Variants in BIRC2 observed in about 807,000 individuals in gnomAD.
BIRC2 encodes the protein baculoviral IAP repeat-containing protein 2.
Under a neutral mutation model 60.9 loss-of-function variants are expected in BIRC2, and 18 were observed. That is an observed-to-expected ratio of 0.30 (90% CI 0.20 to 0.44). BIRC2 has a LOEUF of 0.44. Ranked by LOEUF, BIRC2 falls within the 20% of genes least tolerant of loss-of-function variation. The pLI is 1.00. For missense variants in BIRC2, 701 were observed against 728.5 expected, an observed-to-expected ratio of 0.96 and a Z score of 0.43; for synonymous variants, 282 against 247.7, an observed-to-expected ratio of 1.14 and a Z score of -1.30.
chr11:102,359,603 C>G (rs894734497), intron 3 of BIRC2, among the ~76,000 whole-genome samples: 4 of 152,164 alleles, frequency 2.6e-5, no homozygotes, highest in Non-Finnish European at 5.9e-5. Flanking sequence ...GACAGCTTTG[C>G]TGGGATACAT....
chr11:102,352,421 G>GT (rs1358941170), intron 3 of BIRC2, among the ~76,000 whole-genome samples: 1 of 145,322 alleles, frequency 6.9e-6, no homozygotes. Flanking sequence ...GCCCTTGTTT[G>GT]TTTTTTTGAG....
chr11:102,358,038 C>T (rs1951443425), intron 3 of BIRC2, among the ~76,000 whole-genome samples: 1 of 152,114 alleles, frequency 6.6e-6, no homozygotes, highest in Admixed American at 6.5e-5. Flanking sequence ...TAGTTGTCAG[C>T]TTTCCAACTT....
intron 5 of BIRC2, among the ~76,000 whole-genome samples, chr11:102,366,243 G>C (rs924780153): frequency 1.3e-5 from 2 of 152,100 alleles, no homozygotes; most frequent in African/African-American, 4.8e-5. Flanking sequence ...TTAAAAGTTG[G>C]CTCAAGTTAG....
intron 6 of BIRC2, among the ~76,000 whole-genome samples, chr11:102,369,077 G>C (rs1045679149): frequency 6.6e-6 from 1 of 151,814 alleles, no homozygotes; most frequent in African/African-American, 2.4e-5. Context: ...TTTTGTATTC[G>C]TCCAGATAGT....
intron 6 of BIRC2, among the ~76,000 whole-genome samples, chr11:102,376,727 C>G (rs550622456): frequency 6.6e-6 from 1 of 152,060 alleles, no homozygotes; most frequent in Admixed American, 6.6e-5. Context: ...TTGCTATAAA[C>G]ATAGACATTT....
intron 3 of BIRC2, among the ~76,000 whole-genome samples, chr11:102,357,374 CTTCT>C (rs1254228710): frequency 6.6e-6 from 1 of 151,082 alleles, no homozygotes; most frequent in Admixed American, 6.6e-5. Context: ...TTCCTTTCTT[CTTCT>C]TTCTTCTTCT....
intron 3 of BIRC2, chr11:102,362,682 G>T: frequency 1.2e-5 from 5 of 419,316 alleles, no homozygotes; most frequent in African/African-American, 2.0e-5. Context: ...TTAATGGATT[G>T]AATTAGAAAA....
chr11:102,350,651 T>A lies in BIRC2; in HGVS notation c.797T>A (p.Met266Lys). Residue 266 changes from methionine to lysine, a missense_variant, in exon 2 of 9, where the codon ATG becomes AAG. By Grantham distance (95) the Met-to-Lys change is moderately conservative. This residue lies in a region of BIRC2 where 375 missense variants were observed against 365.9 expected (regional missense o/e 1.02). Transcript: ENST00000227758. ...AGGTTTAGCATTTCAAATCTGAGCA[T>A]GCAGACACATGCAGCTCGAATGAGA... ...TLRFSISNLS[M>K]QTHAARMRTF... 6.2e-7 allele frequency: 1 copy of A among 1,614,044 alleles called. No individual in the cohort carries two copies. The highest frequency in any genetic ancestry group is 8.5e-7 in the Non-Finnish European group (1 of 1,180,036).
chr11:102,372,689 G>T (rs1183961646), intron 6 of BIRC2, among the ~76,000 whole-genome samples: 3 of 137,098 alleles, frequency 2.2e-5, no homozygotes, highest in African/African-American at 8.4e-5. Context: ...AGGTCCACTT[G>T]GTGCAGAGCT....
intron 4 of BIRC2, 48 bp downstream of exon 4, chr11:102,363,022 A>C: frequency 7.4e-7 from 1 of 1,357,876 alleles, no homozygotes; most frequent in Non-Finnish European, 1.0e-6. Flanking sequence ...CTTTATAATA[A>C]CAAAAATATT....
chr11:102,369,958 GTCT>G (rs1951608422), intron 6 of BIRC2, among the ~76,000 whole-genome samples: 1 of 151,964 alleles, frequency 6.6e-6, no homozygotes, highest in African/African-American at 2.4e-5. Flanking sequence ...CTGCATAAAT[GTCT>G]TCTTTTGAGA....
At chr11:102,351,053 C>A in intron 3 of BIRC2, 110 bp downstream of exon 3, 1 of 952,506 alleles carries the variant, frequency 1.0e-6, no homozygotes, top group Non-Finnish European at 1.6e-6. Flanking sequence ...TCTTTTATGC[C>A]ATTGGGGAAT....
At chr11:102,354,371 G>A (rs927945205) in intron 3 of BIRC2, among the ~76,000 whole-genome samples, 1 of 152,072 alleles carries the variant, frequency 6.6e-6, no homozygotes, top group South Asian at 2.1e-4. Context: ...CATCATGTCC[G>A]GCTAATTACT....
At chr11:102,374,466 C>T (rs1255667758) in intron 6 of BIRC2, among the ~76,000 whole-genome samples, 83 of 149,572 alleles carry the variant, frequency 5.5e-4, no homozygotes, top group Non-Finnish European at 1.1e-3. Context: ...GGGTGCCTCC[C>T]AGTTAGGCTG....
intron 5 of BIRC2, among the ~76,000 whole-genome samples, chr11:102,364,505 A>G (rs1951530659): frequency 6.6e-6 from 1 of 152,200 alleles, no homozygotes; most frequent in Admixed American, 6.5e-5. Context: ...GTGCAAGGGC[A>G]GGAAATAGTA....
intron 5 of BIRC2, among the ~76,000 whole-genome samples, chr11:102,366,534 T>G (rs1485134267): frequency 3.3e-5 from 5 of 151,940 alleles, no homozygotes; most frequent in Non-Finnish European, 5.9e-5. Context: ...GCCCGGCTAA[T>G]TTTTTGTATT....
rs768861745 is a variant in BIRC2, at chr11:102,350,391, T to C, written c.537T>C (p.Tyr179=). The change falls in exon 2 of 9, where the codon TAT becomes TAC. Residue 179 remains tyrosine (Y), a synonymous_variant. Transcript: ENST00000227758. ...CATCGAGGACTAACCCCTACAGTTA[T>C]GCAATGAGTACTGAAGAAGCCAGAT... ...ISSSRTNPYS[Y]AMSTEEARFL... 13 of 1,614,220 alleles carry C rather than the reference T, an allele frequency of 8.1e-6. No homozygotes were observed. The highest frequency in any genetic ancestry group is 2.2e-5 in the East Asian group (1 of 44,892).
intron 6 of BIRC2, among the ~76,000 whole-genome samples, chr11:102,374,896 A>C (rs1951689202): frequency 6.6e-6 from 1 of 152,184 alleles, no homozygotes. Flanking sequence ...CCAGTCTGAA[A>C]AGCGCAATAT....
intron 6 of BIRC2, 59 bp downstream of exon 6, chr11:102,368,607 A>G: frequency 6.3e-7 from 1 of 1,577,570 alleles, no homozygotes; most frequent in Non-Finnish European, 8.6e-7. Context: ...GGACTGTCTC[A>G]CATGTTACAG....
Sources: allele counts gnomAD v4.1 joint callset (sites outside exome capture counted in the v4.1 genomes callset), GRCh38; gene constraint gnomAD v4.1.1; regional missense constraint gnomAD v4.1.1; transcripts MANE v1.5; gene names NCBI Gene and HGNC (gene_info 2026-07-23, HGNC 2026-07-21).